SFMBT2: variants seen among roughly 807,000 people sequenced by gnomAD.
SFMBT2 encodes the protein Scm like with four mbt domains 2.
In SFMBT2, 38 loss-of-function variants were observed where a neutral mutation model predicts 110.1. The ratio of observed to expected loss-of-function variants is 0.35; its 90% CI spans 0.27 to 0.45. The LOEUF is 0.45. SFMBT2 is among the 20% of genes least tolerant of loss of function. SFMBT2 has a pLI of 1.00. For synonymous variants in SFMBT2, 425 were observed against 425.4 expected (o/e 1.00, Z 0.01); for missense variants, 1,011 against 1,094.9 (o/e 0.92, Z 1.08).
intron 10 of SFMBT2, among the ~76,000 whole-genome samples, chr10:7,223,902 C>T (rs533555045): frequency 1.1e-4 from 16 of 152,308 alleles, no homozygotes; most frequent in East Asian, 9.6e-4. Flanking sequence ...GCTGGTCTCA[C>T]GACCACCCTT....
intron 4 of SFMBT2, among the ~76,000 whole-genome samples, chr10:7,333,668 C>T (rs1843629465): frequency 1.3e-5 from 2 of 151,792 alleles, no homozygotes; most frequent in Admixed American, 6.6e-5. Flanking sequence ...CATTGACTCA[C>T]CTTTCACATA....
intron 4 of SFMBT2, chr10:7,287,481 C>T (rs2131849547): frequency 4.2e-6 from 1 of 240,528 alleles, no homozygotes; most frequent in African/African-American, 2.3e-5. Flanking sequence ...GCATGTCTCC[C>T]AAGCTACAGA....
chr10:7,410,745 T>C (rs922736606), intron 1 of SFMBT2, among the ~76,000 whole-genome samples, 116 bp downstream of exon 1: 5 of 149,028 alleles, frequency 3.4e-5, no homozygotes, highest in Admixed American at 1.3e-4. Flanking sequence ...TTTTTTTTTT[T>C]CCTTTTTTTT....
intron 4 of SFMBT2, among the ~76,000 whole-genome samples, chr10:7,355,478 T>C (rs1411777088): frequency 6.6e-6 from 1 of 152,224 alleles, no homozygotes; most frequent in Admixed American, 6.5e-5. Context: ...GATTCCCATA[T>C]GTGAGAACAG....
At chr10:7,206,752 A>G (rs1839149263) in intron 11 of SFMBT2, 2 of 710,948 alleles carry the variant, frequency 2.8e-6, no homozygotes, top group South Asian at 6.3e-5. Context: ...AGCTCTGGCT[A>G]TGGAGAGAAT....
intron 3 of SFMBT2, among the ~76,000 whole-genome samples, chr10:7,368,677 T>C (rs1459747458): frequency 6.6e-6 from 1 of 152,164 alleles, no homozygotes; most frequent in Admixed American, 6.5e-5. Flanking sequence ...CAGAGAGAAA[T>C]TGATAACTTC....
At chr10:7,385,782 G>A (rs112553219) in intron 1 of SFMBT2, among the ~76,000 whole-genome samples, 6,296 of 152,050 alleles carry the variant, frequency 0.041, 179 homozygotes, top group Non-Finnish European at 0.066. Context: ...GGCGGATCAC[G>A]AGGTCAGGAG....
intron 11 of SFMBT2, chr10:7,215,602 G>T (rs1839508799): frequency 2.4e-5 from 24 of 985,382 alleles, no homozygotes; most frequent in Non-Finnish European, 2.9e-5. Flanking sequence ...ATCAGAACCT[G>T]GGTTCACCTG....
At chr10:7,192,325 C>T (rs930912188) in intron 15 of SFMBT2, among the ~76,000 whole-genome samples, 14 of 152,280 alleles carry the variant, frequency 9.2e-5, no homozygotes, top group South Asian at 2.1e-4. Context: ...GTCCTCAATA[C>T]GAGATCGTCA....
chr10:7,163,495 A>C lies in SFMBT2; in HGVS notation c.*275T>G. 1 of 371,374 alleles carries C rather than the reference A, an allele frequency of 2.7e-6. No homozygotes were observed. 23.0% of individuals were successfully genotyped at this position (371,374 alleles called of 1,614,324 possible). A position where few individuals can be genotyped will look rare whatever the true frequency, so the allele number is the denominator to read the frequency against. ...AGCTGCCTGATTTGGGGCAGGAGAAAGGCAAAACGTGGGTGAGCCAAGAAG... is the reference window on the plus strand; with the variant it reads ...AGCTGCCTGATTTGGGGCAGGAGAACGGCAAAACGTGGGTGAGCCAAGAAG... On this transcript the variant is annotated 3_prime_UTR_variant, in exon 21 of 21. Transcript: ENST00000397167. This position sits in a 1 kb window ranked among gnomAD's most constrained non-coding sequence, Gnocchi z 4.8.
chr10:7,326,099 T>C (rs1036312666), intron 4 of SFMBT2, among the ~76,000 whole-genome samples: 13 of 152,336 alleles, frequency 8.5e-5, no homozygotes, highest in Admixed American at 5.9e-4. Context: ...ACAGGGATAT[T>C]GTAGTCCCTG....
At chr10:7,313,628 T>A (rs1189541787) in intron 4 of SFMBT2, among the ~76,000 whole-genome samples, 1 of 152,040 alleles carries the variant, frequency 6.6e-6, no homozygotes, top group African/African-American at 2.4e-5. Context: ...ATTGGGGTTT[T>A]TTGTTTTTGT....
At chr10:7,296,696 C>T (rs1842416260) in intron 4 of SFMBT2, among the ~76,000 whole-genome samples, 1 of 152,234 alleles carries the variant, frequency 6.6e-6, no homozygotes, top group African/African-American at 2.4e-5. Context: ...GCCTGGGCCA[C>T]AGTGCCCAGA....
At chr10:7,349,185 C>G (rs917918274) in intron 4 of SFMBT2, among the ~76,000 whole-genome samples, 1 of 152,138 alleles carries the variant, frequency 6.6e-6, no homozygotes, top group African/African-American at 2.4e-5. Flanking sequence ...TGAAAATGAT[C>G]TAAAACAAAA....
chr10:7,276,500 C>T (rs1286828327), intron 7 of SFMBT2, among the ~76,000 whole-genome samples: 5 of 151,850 alleles, frequency 3.3e-5, no homozygotes, highest in Admixed American at 6.6e-5. Context: ...AAGAAGGTGC[C>T]TTTTCAAGTG....
Position 7,251,615 on chromosome 10 carries a change from A to G in SFMBT2, c.871-2966T>C, listed in dbSNP as rs924185861. 6.6e-5 allele frequency among the ~76,000 whole-genome samples: 10 copies of G among 152,260 alleles called. 1 individual carries two copies. The highest frequency in any genetic ancestry group is 2.9e-5 in the Non-Finnish European group (2 of 68,036). The stretch of plus-strand genomic sequence containing the variant: ...ATCTTTGGAAAAGGGGAATTATTAT[A>G]GAATTATGAAATAATAAAGCGTAGC... On this transcript the variant is annotated intron_variant, in intron 7 of 20. Coordinates refer to ENST00000397167, the MANE Select transcript of SFMBT2 (RefSeq NM_001387889.1).
intron 2 of SFMBT2, among the ~76,000 whole-genome samples, chr10:7,375,750 ACC>A (rs1845184057): frequency 9.5e-6 from 1 of 104,728 alleles, no homozygotes; most frequent in Non-Finnish European, 1.9e-5. Flanking sequence ...AAAAGAAAAA[ACC>A]ACACACACAC....
At chr10:7,339,996 C>T (rs1247642808) in intron 4 of SFMBT2, among the ~76,000 whole-genome samples, 31 of 152,192 alleles carry the variant, frequency 2.0e-4, no homozygotes. Context: ...GGCCTTAACA[C>T]TAACCAATTC....
chr10:7,347,021 A>G (rs972004168), intron 4 of SFMBT2, among the ~76,000 whole-genome samples: 2 of 147,414 alleles, frequency 1.4e-5, no homozygotes, highest in Non-Finnish European at 3.0e-5. Context: ...AAACAAAACA[A>G]AACAAAAATG....
Sources: gnomAD v4.1 joint callset for allele counts (sites outside exome capture counted in the v4.1 genomes callset) on GRCh38, gnomAD v4.1.1 for gene constraint, Gnocchi (gnomAD v3.1) non-coding constraint, MANE v1.5 for transcripts, NCBI Gene and HGNC (gene_info 2026-07-23, HGNC 2026-07-21) for gene names.